Variants in DAPK2 observed in about 807,000 individuals in gnomAD.
The protein encoded by DAPK2 is death-associated protein kinase 2.
A neutral mutation model predicts 44.1 loss-of-function variants in DAPK2; 35 were observed. The ratio of observed to expected loss-of-function variants is 0.79; its 90% CI spans 0.61 to 1.05. The LOEUF (loss-of-function observed/expected upper bound fraction) is 1.05, where lower values mean the gene tolerates loss of function less well. Among genes scored for constraint, DAPK2 ranks in the 50% least tolerant of loss-of-function variants. DAPK2 has a pLI of 0.00. For synonymous variants in DAPK2, 174 were observed against 182.6 expected, an observed-to-expected ratio of 0.95 and a Z score of 0.38; for missense variants, 453 against 483.2, an observed-to-expected ratio of 0.94 and a Z score of 0.59.
intron 1 of DAPK2, among the ~76,000 whole-genome samples, chr15:64,022,582 T>A (rs987958189): frequency 2.0e-5 from 3 of 152,188 alleles, no homozygotes; most frequent in Non-Finnish European, 1.5e-5. Flanking sequence ...TTTGGGAGAC[T>A]GAGGCGGGTG....
intron 3 of DAPK2, among the ~76,000 whole-genome samples, chr15:63,952,042 C>A (rs1595786369): frequency 6.6e-6 from 1 of 152,164 alleles, no homozygotes; most frequent in African/African-American, 2.4e-5. Flanking sequence ...GAGTTCGAGA[C>A]CAGCCTGGCC....
chr15:63,981,158 T>A (rs2078499643), intron 2 of DAPK2, among the ~76,000 whole-genome samples: 1 of 151,486 alleles, frequency 6.6e-6, no homozygotes. Context: ...AATCCATTCA[T>A]GCATTAGTGG....
intron 1 of DAPK2, among the ~76,000 whole-genome samples, chr15:63,998,407 T>C (rs2079003100): frequency 6.6e-6 from 1 of 152,172 alleles, no homozygotes; most frequent in South Asian, 2.1e-4. Context: ...TCTCAATATA[T>C]TAGGGCCCAG....
At chr15:64,014,719 A>G (rs1210737631) in intron 1 of DAPK2, among the ~76,000 whole-genome samples, 5 of 152,212 alleles carry the variant, frequency 3.3e-5, no homozygotes, top group African/African-American at 1.2e-4. Context: ...CAGGAGTTCG[A>G]GACCAGCCTG....
chr15:63,962,483 T>C (rs1453009900), intron 3 of DAPK2, among the ~76,000 whole-genome samples: 2 of 152,242 alleles, frequency 1.3e-5, no homozygotes, highest in Admixed American at 1.3e-4. Flanking sequence ...TTTGTGGTTT[T>C]ATGTACCTTT....
At chr15:64,041,239 C>A (rs1177996295), upstream of DAPK2, among the ~76,000 whole-genome samples, 1 of 152,128 alleles carries the variant, frequency 6.6e-6, no homozygotes, top group African/African-American at 2.4e-5. Flanking sequence ...GAGTCAGGAG[C>A]CTGAGGTGCT....
chr15:63,984,503 C>T (rs1291851486), intron 1 of DAPK2, among the ~76,000 whole-genome samples: 1 of 152,176 alleles, frequency 6.6e-6, no homozygotes, highest in African/African-American at 2.4e-5. Context: ...GCCAGCTTCC[C>T]TGAGTGCTCC....
intron 1 of DAPK2, among the ~76,000 whole-genome samples, chr15:64,031,030 A>T (rs1335542635): frequency 6.6e-6 from 1 of 150,670 alleles, no homozygotes. Context: ...TTTGCATAGT[A>T]TAATAGAAAC....
At chr15:64,003,448 CAT>C (rs1363223504) in intron 1 of DAPK2, among the ~76,000 whole-genome samples, 1 of 152,260 alleles carries the variant, frequency 6.6e-6, no homozygotes, top group African/African-American at 2.4e-5. Context: ...CCTTACAGGG[CAT>C]CCAATGCTTC....
At chr15:64,016,487 T>C (rs532923392) in intron 1 of DAPK2, among the ~76,000 whole-genome samples, 1 of 152,270 alleles carries the variant, frequency 6.6e-6, no homozygotes, top group East Asian at 1.9e-4. Context: ...CTTGCAAGGT[T>C]ATTGTGACAG....
intron 1 of DAPK2, among the ~76,000 whole-genome samples, chr15:64,019,583 CAG>C (rs1173590937): frequency 2.0e-5 from 3 of 152,172 alleles, no homozygotes; most frequent in African/African-American, 7.2e-5. Flanking sequence ...ATGAGGAAAA[CAG>C]AAAAAGTATA....
intron 8 of DAPK2, chr15:63,922,251 A>ACC: frequency 3.0e-6 from 3 of 985,898 alleles, no homozygotes; most frequent in Non-Finnish European, 3.6e-6. Flanking sequence ...AATCAATGCA[A>ACC]ACGAAAGGCA....
At chr15:64,026,815 G>C (rs992080783) in intron 1 of DAPK2, among the ~76,000 whole-genome samples, 2 of 152,194 alleles carry the variant, frequency 1.3e-5, no homozygotes, top group African/African-American at 4.8e-5. Context: ...CTATAGGGAA[G>C]AGCTCTGCAT....
At chr15:63,942,131 G>T in intron 3 of DAPK2, 2 of 812,718 alleles carry the variant, frequency 2.5e-6, no homozygotes, top group Non-Finnish European at 3.0e-6. Context: ...GGACTATGGA[G>T]CAGTAGGGAT....
At chr15:64,023,302 G>C (rs1309143758) in intron 1 of DAPK2, among the ~76,000 whole-genome samples, 61 of 152,220 alleles carry the variant, frequency 4.0e-4, no homozygotes, top group Non-Finnish European at 4.4e-5. Context: ...GTGAGACCTA[G>C]ATGAGCATAG....
chr15:64,002,944 G>GTGTGTGGTGGGACC (rs2079123180), intron 1 of DAPK2, among the ~76,000 whole-genome samples: 2 of 133,820 alleles, frequency 1.5e-5, no homozygotes, highest in African/African-American at 5.6e-5. Context: ...GTGTGTGTGT[G>GTGTGTGGTGGGACC]TGTGTGTGTG....
chr15:64,039,168 T>C (rs1178016193), intron 1 of DAPK2, among the ~76,000 whole-genome samples: 1 of 152,222 alleles, frequency 6.6e-6, no homozygotes, highest in East Asian at 1.9e-4. Context: ...GCGTCCTCAA[T>C]CTTGACAAAA....
chr15:63,942,102 C>T (rs2140466366), intron 3 of DAPK2: 1 of 582,036 alleles, frequency 1.7e-6, no homozygotes, highest in Middle Eastern at 9.1e-4. Context: ...GGGGTGGGAG[C>T]CAGACCTGGT....
intron 4 of DAPK2, among the ~76,000 whole-genome samples, chr15:63,936,362 G>A (rs1047104187): frequency 2.6e-5 from 4 of 152,354 alleles, no homozygotes; most frequent in Admixed American, 6.5e-5. Context: ...GGTAATCCCA[G>A]CACTTTGGGA....
Sources: gnomAD v4.1 joint callset for allele counts (sites outside exome capture counted in the v4.1 genomes callset) on GRCh38, gnomAD v4.1.1 for gene constraint, MANE v1.5 for transcripts, NCBI Gene and HGNC (gene_info 2026-07-23, HGNC 2026-07-21) for gene names.